The following C10orf90 variants were observed in gnomAD, a reference collection of about 807,000 sequenced individuals.
C10orf90 encodes the protein (E2-independent) E3 ubiquitin-conjugating enzyme FATS.
C10orf90 carries 56 observed loss-of-function variants against 62.5 expected under a neutral mutation model. The ratio of observed to expected loss-of-function variants is 0.90; its 90% confidence interval spans 0.72 to 1.12. C10orf90 has a LOEUF of 1.12. C10orf90 is among the 50% of genes most tolerant of loss of function. The probability of loss-of-function intolerance (pLI) is 0.00; values close to 1 mark genes in which losing one functional copy is unlikely to be tolerated. For synonymous variants in C10orf90, 386 were observed against 340.4 expected (o/e 1.13, Z -1.47); for missense variants, 970 against 880.4 (o/e 1.10, Z -1.29).
rs142196213 is a variant in C10orf90, at chr10:126,627,421, C to T, written c.313+19144G>A. Among the ~76,000 whole-genome samples the T allele has an allele frequency of 1.2e-4, 18 of 152,032 alleles. No homozygotes were observed. In the East Asian group the frequency reaches 3.3e-3, roughly 28 times the overall value. On this transcript the variant is annotated intron_variant, in intron 2 of 9. Transcript: ENST00000488181. ...GTGGTCCATGCGGGTGTAATGGAAT[C>T]GAATTTACCAGGAGTGAGGCCTACA...
chr10:126,501,452 C>T (rs1862374756), intron 4 of C10orf90, among the ~76,000 whole-genome samples: 1 of 152,180 alleles, frequency 6.6e-6, no homozygotes, highest in Admixed American at 6.5e-5. Flanking sequence ...CCCCACAGCA[C>T]ACCCCAGGGC....
At chr10:126,633,572 C>T (rs929152252) in intron 2 of C10orf90, among the ~76,000 whole-genome samples, 26 of 152,268 alleles carry the variant, frequency 1.7e-4, no homozygotes, top group African/African-American at 6.0e-4. Flanking sequence ...AAAAGCCAGG[C>T]GTGGGGACGG....
intron 4 of C10orf90, chr10:126,502,545 C>T (rs1437477603): frequency 5.7e-6 from 1 of 174,788 alleles, no homozygotes; most frequent in East Asian, 1.8e-4. Flanking sequence ...TCTTGCTGCC[C>T]TCCTCTGAGA....
At chr10:126,549,490 A>G (rs1273906175) in intron 2 of C10orf90, among the ~76,000 whole-genome samples, 1 of 152,230 alleles carries the variant, frequency 6.6e-6, no homozygotes, top group Non-Finnish European at 1.5e-5. Flanking sequence ...CAGCATGGCT[A>G]GGATTAAAAA....
At chr10:126,471,438 C>T (rs910946559) in intron 4 of C10orf90, among the ~76,000 whole-genome samples, 2 of 152,116 alleles carry the variant, frequency 1.3e-5, no homozygotes, top group African/African-American at 4.8e-5. Context: ...GGGCTGATGA[C>T]CAAGAAATCA....
At position 126,429,957 on chromosome 10, in the gene C10orf90, G is replaced by A. The variant is rs1857476536; in HGVS notation, c.2189-107C>T. The A allele has an allele frequency of 4.0e-6, 4 of 990,376 alleles. No homozygotes were observed. The South Asian group carries it at 5.8e-5, about 14-fold the overall frequency. The allele number at this position is 990,376 out of a possible 1,614,324, so 61.3% of individuals were successfully genotyped here. ...ATCCGTTAATTGATCCTTATTCTAA[G>A]CCATATCCTGAGTCTAAGCAGAACT... On this transcript the variant is annotated intron_variant, in intron 7 of 9. Transcript: ENST00000488181.
intron 2 of C10orf90, among the ~76,000 whole-genome samples, chr10:126,565,102 TATAA>T (rs1564873988): frequency 2.4e-5 from 1 of 41,412 alleles, no homozygotes; most frequent in Non-Finnish European, 4.2e-5. Flanking sequence ...TTATATAATA[TATAA>T]AATATATATT....
intron 4 of C10orf90, among the ~76,000 whole-genome samples, chr10:126,475,807 C>G (rs74158271): frequency 0.021 from 3,189 of 152,248 alleles, 131 homozygotes; most frequent in African/African-American, 0.073. Flanking sequence ...TATGACCAAA[C>G]AGTAGGCCTA....
chr10:126,451,725 T>A (rs768553942), intron 7 of C10orf90, among the ~76,000 whole-genome samples: 5 of 151,906 alleles, frequency 3.3e-5, no homozygotes, highest in Non-Finnish European at 7.4e-5. Context: ...TACATACACA[T>A]GCAACGGAAT....
chr10:126,502,071 C>A (rs1434140106), intron 4 of C10orf90, among the ~76,000 whole-genome samples: 2 of 144,538 alleles, frequency 1.4e-5, no homozygotes, highest in African/African-American at 5.2e-5. Context: ...CACACACACA[C>A]CACACACACA....
chr10:126,660,802 C>A (rs1277708468), intron 1 of C10orf90, among the ~76,000 whole-genome samples: 1 of 152,192 alleles, frequency 6.6e-6, no homozygotes, highest in Non-Finnish European at 1.5e-5. Context: ...TCATAACAGA[C>A]ACAATACATG....
intron 2 of C10orf90, among the ~76,000 whole-genome samples, chr10:126,541,699 C>T (rs914824331): frequency 2.0e-5 from 3 of 152,136 alleles, no homozygotes; most frequent in South Asian, 2.1e-4. Context: ...CAGAAAATAA[C>T]AAGTGTTGGT....
intron 2 of C10orf90, among the ~76,000 whole-genome samples, chr10:126,537,429 T>G (rs1031094186): frequency 2.6e-5 from 4 of 152,176 alleles, no homozygotes; most frequent in African/African-American, 9.7e-5. Context: ...GCTGGTTAAC[T>G]TTATCTTCTG....
chr10:126,582,114 T>G (rs1844765034), intron 2 of C10orf90, among the ~76,000 whole-genome samples: 1 of 152,188 alleles, frequency 6.6e-6, no homozygotes, highest in Non-Finnish European at 1.5e-5. Flanking sequence ...TGGGACTTGT[T>G]CCTGGGGTTA....
intron 2 of C10orf90, among the ~76,000 whole-genome samples, chr10:126,538,063 A>C (rs984870068): frequency 6.6e-6 from 1 of 152,218 alleles, no homozygotes; most frequent in Non-Finnish European, 1.5e-5. Flanking sequence ...AAGACTGGGT[A>C]ATTTACAAAG....
chr10:126,553,966 TA>T (rs1864698869), intron 2 of C10orf90, among the ~76,000 whole-genome samples: 1 of 151,840 alleles, frequency 6.6e-6, no homozygotes, highest in African/African-American at 2.4e-5. Context: ...TTCCCAAAGA[TA>T]AAAAACCCTA....
chr10:126,452,267 G>T (rs1336451801), intron 7 of C10orf90, among the ~76,000 whole-genome samples: 1 of 151,910 alleles, frequency 6.6e-6, no homozygotes, highest in East Asian at 1.9e-4. Context: ...AGTTTAAACT[G>T]CTCATTTAAA....
chr10:126,535,725 G>A (rs539312664), intron 2 of C10orf90, among the ~76,000 whole-genome samples: 7 of 152,126 alleles, frequency 4.6e-5, no homozygotes, highest in Non-Finnish European at 1.0e-4. Flanking sequence ...AGGTGACAGC[G>A]AAGAGCTCTC....
chr10:126,458,052 C>G (rs540341729), intron 7 of C10orf90, among the ~76,000 whole-genome samples: 1 of 152,208 alleles, frequency 6.6e-6, no homozygotes, highest in African/African-American at 2.4e-5. Context: ...CTTTAGACAG[C>G]TCCACCAGCA....
Sources: allele counts gnomAD v4.1 joint callset (sites outside exome capture counted in the v4.1 genomes callset), GRCh38; gene constraint gnomAD v4.1.1; transcripts MANE v1.5; gene names NCBI Gene and HGNC (gene_info 2026-07-23, HGNC 2026-07-21).